The following RPS6KA5 variants were observed in gnomAD, a reference collection of about 807,000 sequenced individuals.
RPS6KA5 encodes ribosomal protein S6 kinase alpha-5.
In RPS6KA5, 27 loss-of-function variants were observed where a neutral mutation model predicts 85.5. The observed-to-expected ratio is 0.32, with a 90% CI of 0.23 to 0.44. The LOEUF is 0.44. Ranked by LOEUF, RPS6KA5 falls within the 20% of genes least tolerant of loss-of-function variation. The pLI, the probability that RPS6KA5 is intolerant of heterozygous loss-of-function variation, is 1.00. For synonymous variants in RPS6KA5, 334 were observed against 348.2 expected (o/e 0.96, Z 0.46); for missense variants, 811 against 980.9 (o/e 0.83, Z 2.31).
At position 90,858,962 on chromosome 14, in the gene RPS6KA5, T is replaced by C. The variant is rs1294675645; in HGVS notation, c.*13112A>G. ...AGTATCTCCTTGAGGTGTCTGCCAA[T>C]TGCAGACTCCTGTGCAACAAGGTGA... On this transcript the variant is annotated 3_prime_UTR_variant, in exon 17 of 17. Transcript: ENST00000614987. 1.3e-5 allele frequency: 2 copies of C among 152,184 alleles called. No homozygotes were observed. The highest frequency in any genetic ancestry group is 2.9e-5 in the Non-Finnish European group (2 of 68,046). The allele number at this position is 152,184 out of a possible 1,614,324, so 9.4% of individuals were successfully genotyped here.
chr14:91,055,186 C>G (rs1244957524), intron 1 of RPS6KA5, among the ~76,000 whole-genome samples: 1 of 152,192 alleles, frequency 6.6e-6, no homozygotes, highest in Non-Finnish European at 1.5e-5. Flanking sequence ...AATGATACAG[C>G]CACTCTGGAC....
rs1002990071 is a variant in RPS6KA5, at chr14:90,865,226, A to C, written c.*6848T>G. 9 of 152,256 alleles carry C rather than the reference A, an allele frequency of 5.9e-5. No homozygotes were observed. Among genetic ancestry groups the C allele is most frequent in the African/African-American group, 2.2e-4 (9 of 41,466 alleles). The allele number at this position is 152,256 out of a possible 1,614,324, so 9.4% of individuals were successfully genotyped here. ...GCACAAGAATGCTTATGGCTGCTTT[A>C]AACACAAAAGCTAAAAATTACAAAC... On this transcript the variant is annotated 3_prime_UTR_variant, in exon 17 of 17. Transcript: ENST00000614987.
At chr14:90,933,503 CA>C (rs1178267961) in intron 5 of RPS6KA5, among the ~76,000 whole-genome samples, 1 of 152,142 alleles carries the variant, frequency 6.6e-6, no homozygotes, top group Non-Finnish European at 1.5e-5. Flanking sequence ...GATCTAATGT[CA>C]AAATAGTCCT....
At chr14:90,915,581 C>T (rs113875283) in intron 7 of RPS6KA5, among the ~76,000 whole-genome samples, 1,935 of 152,012 alleles carry the variant, frequency 0.013, 39 homozygotes, top group African/African-American at 0.044. Flanking sequence ...CTGAGGCAGG[C>T]GGATCACTTG....
intron 3 of RPS6KA5, among the ~76,000 whole-genome samples, chr14:90,975,404 G>A (rs2140469315): frequency 6.6e-6 from 1 of 152,304 alleles, no homozygotes; most frequent in Admixed American, 6.5e-5. Context: ...GAATGTGACT[G>A]TAAATGGAGT....
chr14:90,944,553 C>T (rs368142960), intron 4 of RPS6KA5, among the ~76,000 whole-genome samples: 26 of 152,146 alleles, frequency 1.7e-4, no homozygotes, highest in African/African-American at 5.8e-4. Flanking sequence ...GTCAAGAGTT[C>T]GAGACCAGCC....
chr14:90,864,135 TA>T lies in RPS6KA5; in HGVS notation c.*7938del, dbSNP rs2032699189. On this transcript the variant is annotated 3_prime_UTR_variant, in exon 17 of 17. Coordinates refer to ENST00000614987, the MANE Select transcript of RPS6KA5 (RefSeq NM_004755.4). ...AAACCTAATGTGGATGGTAAAACAATAAAGCTTTTAGTTTTATTTTTTGAGA... is the reference window on the plus strand; with the variant it reads ...AAACCTAATGTGGATGGTAAAACAATAAGCTTTTAGTTTTATTTTTTGAGA... The T allele has an allele frequency of 6.6e-6, 1 of 152,160 alleles. No individual in the cohort carries two copies. Among genetic ancestry groups the T allele is most frequent in the Non-Finnish European group, 1.5e-5 (1 of 68,030 alleles). The allele number at this position is 152,160 out of a possible 1,614,324, so 9.4% of individuals were successfully genotyped here.
chr14:90,884,621 G>A (rs986153705), intron 14 of RPS6KA5, among the ~76,000 whole-genome samples: 12 of 152,168 alleles, frequency 7.9e-5, no homozygotes, highest in African/African-American at 2.4e-4. Context: ...AAATAGTTAC[G>A]TCAGAGAGAT....
chr14:90,983,565 C>T (rs1451392917), intron 2 of RPS6KA5, among the ~76,000 whole-genome samples: 1 of 151,434 alleles, frequency 6.6e-6, no homozygotes, highest in Non-Finnish European at 1.5e-5. Flanking sequence ...GTGCCACTTG[C>T]ACTCCAGCCT....
Position 91,052,285 on chromosome 14 carries a change from TAAAAAAAAAAAAAAAA to T in RPS6KA5, c.103+8031_103+8046del, listed in dbSNP as rs57523052. ...CAACATGGCAAAACCCCATCTCTAC[TAAAAAAAAAAAAAAAA>T]AAAAAAAAAAAAAAAAATTACCTGG... On this transcript the variant is annotated intron_variant, in intron 1 of 16. Coordinates refer to ENST00000614987, the MANE Select transcript of RPS6KA5 (RefSeq NM_004755.4). 2.1e-3 allele frequency: 437 copies of T among 213,020 alleles called. 1 individual carries two copies. Among genetic ancestry groups the T allele is most frequent in the African/African-American group, 0.017 (200 of 11,720 alleles). 13.2% of individuals were successfully genotyped at this position (213,020 alleles called of 1,614,324 possible).
Position 90,974,037 on chromosome 14 carries a change from C to CAAAAAAAAAAA in RPS6KA5, c.394+4258_394+4268dup, listed in dbSNP as rs56212923. ...AAGGTGACAGAGTGAGACTCCATCT[C>CAAAAAAAAAAA]AAAAAAAAAAAAAAAAAAAAAATAG... On this transcript the variant is annotated intron_variant, in intron 3 of 16. Coordinates refer to ENST00000614987, the MANE Select transcript of RPS6KA5 (RefSeq NM_004755.4). Among the ~76,000 whole-genome samples the CAAAAAAAAAAA allele has an allele frequency of 5.5e-4, 34 of 61,450 alleles. 2 individuals carry two copies. The highest frequency in any genetic ancestry group is 1.9e-3 in the Admixed American group (7 of 3,776). The allele number at this position is 61,450 out of a possible 152,430, so 40.3% of individuals were successfully genotyped here. A position where few individuals can be genotyped will look rare whatever the true frequency, so the allele number is the denominator to read the frequency against.
chr14:90,944,828 A>G (rs1595290796), intron 4 of RPS6KA5, among the ~76,000 whole-genome samples: 1 of 151,884 alleles, frequency 6.6e-6, no homozygotes, highest in South Asian at 2.1e-4. Flanking sequence ...CTGAGGCAGG[A>G]GGATCACTTG....
chr14:90,941,718 A>AG (rs2037582423), intron 5 of RPS6KA5, among the ~76,000 whole-genome samples: 2 of 152,144 alleles, frequency 1.3e-5, no homozygotes, highest in Admixed American at 6.5e-5. Flanking sequence ...GAACCTTTTT[A>AG]GGGGGTCAGA....
chr14:90,873,986 C>T (rs551205624), intron 15 of RPS6KA5, among the ~76,000 whole-genome samples, 191 bp from the exon 16 acceptor site: 21 of 152,262 alleles, frequency 1.4e-4, no homozygotes, highest in African/African-American at 4.3e-4. Context: ...ATGATAAAGT[C>T]ACAGTAGCCT....
intron 1 of RPS6KA5, among the ~76,000 whole-genome samples, chr14:91,046,430 T>C (rs1471470884): frequency 1.3e-5 from 2 of 152,134 alleles, no homozygotes; most frequent in East Asian, 1.9e-4. Flanking sequence ...AGTATAAAGG[T>C]AAAAAACATA....
intron 5 of RPS6KA5, among the ~76,000 whole-genome samples, chr14:90,941,490 T>C (rs1348513252): frequency 6.6e-6 from 1 of 152,236 alleles, no homozygotes. Flanking sequence ...TGTCATTTTC[T>C]GTATGGTATC....
rs1448327067 is a variant in RPS6KA5, at chr14:90,856,439, C to G, written c.*15635G>C. On this transcript the variant is annotated 3_prime_UTR_variant, in exon 17 of 17. Coordinates refer to ENST00000614987, the MANE Select transcript of RPS6KA5 (RefSeq NM_004755.4). ...AGTGCAATGGTGCGATCTAGGCTCA[C>G]TGCAACCTCTGCCTCCCGGGTTAAA... 1.3e-5 allele frequency: 2 copies of G among 149,442 alleles called. No homozygotes were observed. The highest frequency in any genetic ancestry group is 2.5e-5 in the African/African-American group (1 of 40,348). The allele number at this position is 149,442 out of a possible 1,614,324, so 9.3% of individuals were successfully genotyped here.
At chr14:90,899,037 T>C (rs1389772389) in intron 12 of RPS6KA5, among the ~76,000 whole-genome samples, 2 of 152,072 alleles carry the variant, frequency 1.3e-5, no homozygotes, top group African/African-American at 4.8e-5. Flanking sequence ...AACAAGCACA[T>C]TGTAGCCAGT....
intron 3 of RPS6KA5, among the ~76,000 whole-genome samples, chr14:90,968,613 T>C (rs1482911450): frequency 6.6e-6 from 1 of 152,148 alleles, no homozygotes; most frequent in African/African-American, 2.4e-5. Context: ...CTAGAGTCAA[T>C]GAATACTTTT....
Sources: gnomAD v4.1 joint callset for allele counts (sites outside exome capture counted in the v4.1 genomes callset) on GRCh38, gnomAD v4.1.1 for gene constraint, MANE v1.5 for transcripts, NCBI Gene and HGNC (gene_info 2026-07-23, HGNC 2026-07-21) for gene names.